STON2: variants seen among roughly 807,000 people sequenced by gnomAD.
STON2 encodes the protein stonin 2.
STON2 carries 29 observed loss-of-function variants against 65.7 expected under a neutral mutation model. The observed-to-expected ratio is 0.44, with a 90% CI of 0.33 to 0.60. STON2 has a LOEUF of 0.60. Among genes scored for constraint, STON2 ranks in the 20% least tolerant of loss-of-function variants. STON2 has a pLI of 0.03. For missense variants in STON2, 1,054 were observed against 1,118.1 expected (o/e 0.94, Z 0.82); for synonymous variants, 404 against 414.2 (o/e 0.98, Z 0.30).
upstream of STON2, among the ~76,000 whole-genome samples, chr14:81,401,389 C>T (rs1205394294): frequency 1.3e-5 from 2 of 152,110 alleles, no homozygotes; most frequent in Non-Finnish European, 2.9e-5. Context: ...CCAATGAAGA[C>T]TGGTGGAACA....
chr14:81,325,688 C>T (rs866464543), intron 4 of STON2, among the ~76,000 whole-genome samples: 3 of 151,928 alleles, frequency 2.0e-5, no homozygotes, highest in Non-Finnish European at 4.4e-5. Flanking sequence ...TGTTATTTGG[C>T]ACTTAAAAAA....
chr14:81,315,338 G>GAAATGT (rs1225647779), intron 5 of STON2, among the ~76,000 whole-genome samples: 1 of 152,148 alleles, frequency 6.6e-6, no homozygotes, highest in Non-Finnish European at 1.5e-5. Context: ...CAAAAGACTG[G>GAAATGT]AAATGTCCCT....
In STON2 at chr14:81,278,357, C is replaced by A. The variant is rs1470242123; in HGVS notation, c.1125G>T (p.Glu375Asp). 1.2e-6 allele frequency: 2 copies of A among 1,614,174 alleles called. No individual in the cohort carries two copies. Among genetic ancestry groups the A allele is most frequent in the East Asian group, 4.5e-5 (2 of 44,882 alleles). ...PWRATNPFLN[E>D]TLQDVQPSPI... ...GGGAGGGCTGTACATCCTGCAGAGT[C>A]TCATTCAGGAAAGGGTTGGTTGCCC... is the stretch of plus-strand genomic sequence containing the variant. Residue 375 changes from glutamate (E) to aspartate (D), a missense_variant, in exon 6 of 8, where the codon GAG becomes GAT. By Grantham distance (45) the Glu-to-Asp change is conservative. Transcript: ENST00000614646.
At chr14:81,313,809 ATACAC>A (rs1288419380) in intron 5 of STON2, among the ~76,000 whole-genome samples, 1,115 of 78,744 alleles carry the variant, frequency 0.014, 9 homozygotes, top group Non-Finnish European at 0.02. Context: ...AAAAAAAAAA[ATACAC>A]ACACACACAC....
chr14:81,310,036 A>G (rs1001185249), intron 5 of STON2, among the ~76,000 whole-genome samples: 7 of 152,190 alleles, frequency 4.6e-5, no homozygotes, highest in African/African-American at 1.7e-4. Context: ...CCCAGGAATC[A>G]ATTTCCACAC....
intron 2 of STON2, among the ~76,000 whole-genome samples, chr14:81,414,649 G>A (rs1403801215): frequency 1.3e-5 from 2 of 151,848 alleles, no homozygotes; most frequent in Non-Finnish European, 2.9e-5. Context: ...TGAAGATGTT[G>A]CCAAAGAACT....
intron 4 of STON2, among the ~76,000 whole-genome samples, chr14:81,365,662 G>T (rs1595400220): frequency 6.6e-6 from 1 of 152,090 alleles, no homozygotes; most frequent in Non-Finnish European, 1.5e-5. Flanking sequence ...AGGCTGAGAT[G>T]GGAGGATCAC....
intron 4 of STON2, among the ~76,000 whole-genome samples, chr14:81,326,567 T>C (rs1405014248): frequency 1.3e-5 from 2 of 152,294 alleles, no homozygotes; most frequent in Non-Finnish European, 1.5e-5. Flanking sequence ...ACGGTGTACA[T>C]ACAAACATAT....
At chr14:81,347,660 T>C (rs1488551602) in intron 4 of STON2, among the ~76,000 whole-genome samples, 1 of 125,402 alleles carries the variant, frequency 8.0e-6, no homozygotes, top group Non-Finnish European at 1.7e-5. Context: ...GTATCCCTGA[T>C]GAACATAGAT....
At chr14:81,377,364 TGAG>T (rs1470442863) in intron 3 of STON2, among the ~76,000 whole-genome samples, 1 of 152,064 alleles carries the variant, frequency 6.6e-6, no homozygotes, top group East Asian at 1.9e-4. Flanking sequence ...TTTTTATTGC[TGAG>T]TAGTATTCCA....
intron 4 of STON2, among the ~76,000 whole-genome samples, chr14:81,351,059 C>G (rs1225454518): frequency 6.6e-6 from 1 of 152,016 alleles, no homozygotes; most frequent in African/African-American, 2.4e-5. Flanking sequence ...ATGCTATCTA[C>G]ATTTAAAATA....
intron 5 of STON2, among the ~76,000 whole-genome samples, chr14:81,309,664 T>G (rs1896346979): frequency 6.6e-6 from 1 of 152,184 alleles, no homozygotes; most frequent in Non-Finnish European, 1.5e-5. Context: ...TTTGTTTTGA[T>G]CATGATTATG....
intron 5 of STON2, among the ~76,000 whole-genome samples, chr14:81,301,946 A>T (rs913068857): frequency 6.6e-6 from 1 of 152,220 alleles, no homozygotes; most frequent in Non-Finnish European, 1.5e-5. Context: ...CTAGATCTTA[A>T]GCCCATGGTG....
At chr14:81,269,559 A>G in intron 7 of STON2, 1 of 985,414 alleles carries the variant, frequency 1.0e-6, no homozygotes, top group Non-Finnish European at 1.2e-6. Context: ...GTAATGATTC[A>G]ACACACAACA....
intron 2 of STON2, among the ~76,000 whole-genome samples, chr14:81,410,278 C>CAAAAAAA (rs1161157573): frequency 0.014 from 643 of 45,754 alleles, 7 homozygotes; most frequent in Non-Finnish European, 0.023. Context: ...TAACTCTAAC[C>CAAAAAAA]AAAAAAAAAA....
At chr14:81,429,430 G>A (rs142679608) in intron 1 of STON2, among the ~76,000 whole-genome samples, 1,952 of 152,238 alleles carry the variant, frequency 0.013, 26 homozygotes, top group South Asian at 0.043. Flanking sequence ...TTATATAGAC[G>A]TTTGACATCC....
chr14:81,270,565 T>C, intron 7 of STON2, 105 bp downstream of exon 7: 1 of 1,602,762 alleles, frequency 6.2e-7, no homozygotes, highest in South Asian at 1.1e-5. Context: ...CAGTAAGAGG[T>C]TACCAGGCGA....
At position 81,278,327 on chromosome 14, in the gene STON2, G is replaced by T. The variant is rs760690422; in HGVS notation, c.1155C>A (p.Ile385=). The part of the protein sequence containing the change: ...ETLQDVQPSP[I]NPFSAFFEEQ... Reference sequence around the variant, plus strand: ...CCTCAAAGAAAGCACTGAAAGGGTTGATAGGGGAGGGCTGTACATCCTGCA... The same window carrying T: ...CCTCAAAGAAAGCACTGAAAGGGTTTATAGGGGAGGGCTGTACATCCTGCA... The change falls in exon 6 of 8, where the codon ATC becomes ATA. Residue 385 remains isoleucine (I), a synonymous_variant. Transcript: ENST00000614646. The T allele has an allele frequency of 1.2e-6, 2 of 1,614,228 alleles. No homozygotes were observed. Among genetic ancestry groups the T allele is most frequent in the Non-Finnish European group, 1.7e-6 (2 of 1,180,036 alleles).
chr14:81,267,479 G>A lies in STON2; in HGVS notation c.*935C>T, dbSNP rs1444623376. 1.0e-6 allele frequency: 1 copy of A among 985,166 alleles called. No individual in the cohort carries two copies. The highest frequency in any genetic ancestry group is 1.2e-6 in the Non-Finnish European group (1 of 829,860). 61.0% of individuals were successfully genotyped at this position (985,166 alleles called of 1,614,324 possible). On this transcript the variant is annotated 3_prime_UTR_variant, in exon 8 of 8. Coordinates refer to ENST00000614646, the MANE Select transcript of STON2 (RefSeq NM_001394390.1). ...GGACATGCAACTGTCTATTGGTCAT[G>A]AGGTATAAAAAGAACTCCCAAATGC...
Sources: gnomAD v4.1 joint callset for allele counts (sites outside exome capture counted in the v4.1 genomes callset) on GRCh38, gnomAD v4.1.1 for gene constraint, MANE v1.5 for transcripts, NCBI Gene and HGNC (gene_info 2026-07-23, HGNC 2026-07-21) for gene names.